Variants in ORC3 observed in about 807,000 individuals in gnomAD.
The protein encoded by ORC3 is homolog of latheo, Drosophila.
ORC3 carries 78 observed loss-of-function variants against 100.7 expected under a neutral mutation model. The observed-to-expected ratio is 0.77, with a 90% CI of 0.65 to 0.94. ORC3 has a LOEUF of 0.94. Ranked by LOEUF, ORC3 falls within the 40% of genes least tolerant of loss-of-function variation. The probability of loss-of-function intolerance (pLI) is 0.00; values close to 1 mark genes in which losing one functional copy is unlikely to be tolerated. For missense variants in ORC3, 789 were observed against 823.9 expected, an observed-to-expected ratio of 0.96 and a Z score of 0.52; for synonymous variants, 295 against 289.3, an observed-to-expected ratio of 1.02 and a Z score of -0.20.
intron 11 of ORC3, among the ~76,000 whole-genome samples, chr6:87,623,518 G>T (rs1779674327): frequency 6.6e-6 from 1 of 152,224 alleles, no homozygotes; most frequent in Non-Finnish European, 1.5e-5. Flanking sequence ...GCCAGGAATA[G>T]ATTTTTTAAG....
chr6:87,657,356 G>A (rs1040585943), intron 15 of ORC3, among the ~76,000 whole-genome samples: 1 of 152,134 alleles, frequency 6.6e-6, no homozygotes, highest in Non-Finnish European at 1.5e-5. Context: ...ATTAGTTTTA[G>A]TTACTTTCCT....
chr6:87,607,778 A>G lies in ORC3; in HGVS notation c.533A>G (p.His178Arg), dbSNP rs752584378. The G allele has an allele frequency of 5.6e-6, 9 of 1,612,718 alleles. No individual in the cohort carries two copies. In the African/African-American group the frequency reaches 8.0e-5, roughly 14 times the overall value. Reference protein sequence around the residue: ...ESVHVTQRKTHYSMDSLSSWY... With the variant: ...ESVHVTQRKTRYSMDSLSSWY... Reference sequence around the variant, plus strand: ...GTTCACGTCACCCAAAGAAAGACACATTATTCAATGGATTCACTTTCCAGT... The same window carrying G: ...GTTCACGTCACCCAAAGAAAGACACGTTATTCAATGGATTCACTTTCCAGT... The change falls in exon 6 of 20, where the codon CAT (histidine) becomes CGT (arginine). Residue 178 changes from histidine to arginine, a missense_variant. His to Arg is a conservative substitution (Grantham distance 29). Transcript: ENST00000392844.
At chr6:87,630,125 C>T (rs1767277738) in intron 11 of ORC3, among the ~76,000 whole-genome samples, 1 of 152,134 alleles carries the variant, frequency 6.6e-6, no homozygotes. Context: ...AATATGGTTG[C>T]TCTTACTTAA....
At chr6:87,673,041 TG>T in the ORC3 span, among the ~76,000 whole-genome samples, 6 of 152,082 alleles carry the variant, frequency 3.9e-5, no homozygotes, top group South Asian at 1.2e-3. Context: ...CATGTGTGGT[TG>T]GTTATTTGGA....
At chr6:87,661,912 T>G (rs1770210223) in intron 16 of ORC3, among the ~76,000 whole-genome samples, 1 of 152,202 alleles carries the variant, frequency 6.6e-6, no homozygotes, top group African/African-American at 2.4e-5. Context: ...ACAGACCACC[T>G]GATGGGCTCA....
At position 87,616,819 on chromosome 6, in the gene ORC3, G is replaced by A. The variant is rs111514597; in HGVS notation, c.987+392G>A. On this transcript the variant is annotated intron_variant, in intron 9 of 19. Transcript: ENST00000392844. ...AACATTTTTAGCTTTTTTTTTTTTC[G>A]AGATGGAGTTTCACTTTGTTGCCCA... is the stretch of plus-strand genomic sequence containing the variant. 4.4e-3 allele frequency among the ~76,000 whole-genome samples: 653 copies of A among 149,320 alleles called. 8 individuals are homozygous for A. The highest frequency in any genetic ancestry group is 0.015 in the African/African-American group (613 of 40,606).
At chr6:87,665,608 G>T in intron 18 of ORC3, 146 bp from the exon 19 acceptor site, 4 of 543,550 alleles carry the variant, frequency 7.4e-6, no homozygotes, top group Admixed American at 3.1e-5. Flanking sequence ...GTGGTTTAAA[G>T]TGATCATCAG....
chr6:87,609,250 C>T, intron 7 of ORC3, 21 bp downstream of exon 7: 1 of 1,510,202 alleles, frequency 6.6e-7, no homozygotes, highest in Non-Finnish European at 8.8e-7. Context: ...TATTACCTGG[C>T]TTTTATGAAA....
At chr6:87,673,171 T>G in the ORC3 span, among the ~76,000 whole-genome samples, 5 of 141,984 alleles carry the variant, frequency 3.5e-5, no homozygotes, top group Non-Finnish European at 7.7e-5. Flanking sequence ...TTTTTTTTTT[T>G]TTTTTTTGAG....
At chr6:87,666,516 G>A (rs554641952) in intron 19 of ORC3, among the ~76,000 whole-genome samples, 3 of 137,800 alleles carry the variant, frequency 2.2e-5, no homozygotes, top group East Asian at 4.3e-4. Flanking sequence ...TCGGCTCACC[G>A]CAACCTCCAC....
chr6:87,625,841 A>G (rs1462277881), intron 11 of ORC3, among the ~76,000 whole-genome samples: 2 of 152,132 alleles, frequency 1.3e-5, no homozygotes, highest in Non-Finnish European at 1.5e-5. Flanking sequence ...TAAGTCTTTA[A>G]TCCATCTTGA....
At chr6:87,590,351 C>G (rs1478513990) in intron 1 of ORC3, among the ~76,000 whole-genome samples, 159 bp downstream of exon 1, 1 of 152,166 alleles carries the variant, frequency 6.6e-6, no homozygotes, top group African/African-American at 2.4e-5. Context: ...TCAGTTGAGG[C>G]CAACTTTGCT....
At chr6:87,642,623 C>T (rs1768359254) in intron 13 of ORC3, among the ~76,000 whole-genome samples, 1 of 151,366 alleles carries the variant, frequency 6.6e-6, no homozygotes, top group Non-Finnish European at 1.5e-5. Context: ...AAATAAATGG[C>T]CGGGTGTGGT....
At chr6:87,623,393 A>G (rs1448637956) in intron 11 of ORC3, among the ~76,000 whole-genome samples, 1 of 152,214 alleles carries the variant, frequency 6.6e-6, no homozygotes, top group African/African-American at 2.4e-5. Flanking sequence ...CTAGTGAGAA[A>G]GAATGTGTGC....
chr6:87,647,053 C>T (rs564408518), intron 13 of ORC3, among the ~76,000 whole-genome samples: 32 of 152,338 alleles, frequency 2.1e-4, no homozygotes, highest in Admixed American at 1.3e-3. Context: ...AAGTCATCGT[C>T]GTTGCTCACC....
At chr6:87,667,858 G>A (rs1460396725), downstream of ORC3, among the ~76,000 whole-genome samples, 2 of 152,182 alleles carry the variant, frequency 1.3e-5, no homozygotes, top group African/African-American at 4.8e-5. Flanking sequence ...GAACCCGGGA[G>A]GCGGAGGTTG....
intron 12 of ORC3, among the ~76,000 whole-genome samples, chr6:87,636,014 G>A (rs1400404898): frequency 6.8e-6 from 1 of 148,030 alleles, no homozygotes; most frequent in African/African-American, 2.5e-5. Flanking sequence ...GCGCAATCTC[G>A]GCTCACTGCA....
intron 13 of ORC3, among the ~76,000 whole-genome samples, chr6:87,649,709 G>A (rs184417327): frequency 6.6e-5 from 10 of 152,214 alleles, no homozygotes; most frequent in African/African-American, 1.9e-4. Flanking sequence ...TTGCACCATT[G>A]CACTCCAGCC....
chr6:87,590,950 G>GA (rs1776834253), intron 1 of ORC3, among the ~76,000 whole-genome samples: 1 of 152,182 alleles, frequency 6.6e-6, no homozygotes, highest in Admixed American at 6.5e-5. Context: ...TAGATGGCAA[G>GA]AAATTGCAAG....
Sources: allele counts gnomAD v4.1 joint callset (sites outside exome capture counted in the v4.1 genomes callset), GRCh38; gene constraint gnomAD v4.1.1; transcripts MANE v1.5; gene names NCBI Gene and HGNC (gene_info 2026-07-23, HGNC 2026-07-21).